The following COL6A5 variants were observed in gnomAD, a reference collection of about 807,000 sequenced individuals.
The protein encoded by COL6A5 is collagen type VI alpha 5 chain.
Under a neutral mutation model 65.6 loss-of-function variants are expected in COL6A5, and 48 were observed. The ratio of observed to expected loss-of-function variants is 0.73; its 90% CI spans 0.58 to 0.93. The LOEUF (loss-of-function observed/expected upper bound fraction) is 0.93. COL6A5 is among the 40% of genes least tolerant of loss of function. The pLI, the probability that COL6A5 is intolerant of heterozygous loss-of-function variation, is 0.00. For synonymous variants in COL6A5, 291 were observed against 322.8 expected, an observed-to-expected ratio of 0.90 and a Z score of 1.05; for missense variants, 914 against 928.3, an observed-to-expected ratio of 0.98 and a Z score of 0.20.
At chr3:130,377,774 T>C (rs758089408) in intron 3 of COL6A5, among the ~76,000 whole-genome samples, 3 of 152,180 alleles carry the variant, frequency 2.0e-5, no homozygotes, top group Non-Finnish European at 4.4e-5. Flanking sequence ...TATCATATAA[T>C]ATGAATGAGG....
At chr3:130,379,555 G>A (rs548996198) in exon 4 of COL6A5, 1 of 1,551,412 alleles carries the variant, frequency 6.4e-7, no homozygotes, top group Non-Finnish European at 8.7e-7. Context: ...GGATGTGAAG[G>A]AAAATTGCAT....
chr3:130,355,885 T>A (rs1339964696), intron 1 of COL6A5, among the ~76,000 whole-genome samples: 1 of 151,986 alleles, frequency 6.6e-6, no homozygotes. Flanking sequence ...ACACACTATC[T>A]ACAATAGATA....
rs1935909514 is a variant in COL6A5, at chr3:130,379,467, C to T, written c.717C>T (p.Phe239=). Residue 239 remains phenylalanine, a synonymous_variant and NMD_transcript_variant, in exon 4 of 42, where the codon TTC becomes TTT. Coordinates refer to the COL6A5 transcript ENST00000312481. The stretch of plus-strand genomic sequence containing the variant: ...AAGATTCACTCGCTGACCTCGTGTT[C>T]CTGGTGGATGAGTCACTTGGGACCG... 1.9e-6 allele frequency: 3 copies of T among 1,551,226 alleles called. 1 individual carries two copies. Among genetic ancestry groups the T allele is most frequent in the African/African-American group, 2.7e-5 (2 of 73,104 alleles).
intron 3 of COL6A5, 30 bp downstream of exon 3, chr3:130,376,866 T>C (rs1488150237): frequency 6.4e-7 from 1 of 1,572,100 alleles, no homozygotes; most frequent in Non-Finnish European, 8.6e-7. Flanking sequence ...AAGAGGTGCC[T>C]GATCCCCAGG....
intron 21 of COL6A5, 21 bp downstream of exon 21, chr3:130,413,601 G>T: frequency 1.3e-6 from 2 of 1,546,100 alleles, no homozygotes; most frequent in Non-Finnish European, 1.8e-6. Flanking sequence ...TTGACTTCCT[G>T]TTCTCTGTGG....
intron 13 of COL6A5, 80 bp from the exon 14 acceptor site, chr3:130,405,508 C>A: frequency 9.9e-7 from 1 of 1,007,212 alleles, no homozygotes; most frequent in Non-Finnish European, 1.5e-6. Flanking sequence ...TGTGCTTTGT[C>A]TTAACTCTGT....
intron 1 of COL6A5, among the ~76,000 whole-genome samples, chr3:130,371,731 A>G (rs1222481730): frequency 6.6e-6 from 1 of 152,212 alleles, no homozygotes; most frequent in Non-Finnish European, 1.5e-5. Context: ...CTTAGAAGAA[A>G]ACATACAAGT....
rs1709753798 is a variant in COL6A5 at position 130,463,846 on chromosome 3, A to G, written c.1545-4949A>G. On this transcript the variant is annotated intron_variant, in intron 5 of 7. Transcript: ENST00000512836. ...GTAGAATAATCACACCTTTGACTAA[A>G]TTTTAGAGTTTTCAAGGTACATCAT... Among the ~76,000 whole-genome samples the G allele has an allele frequency of 2.0e-5, 3 of 152,054 alleles. No homozygotes were observed. In the South Asian group the frequency reaches 6.2e-4, roughly 32 times the overall value.
At chr3:130,468,834 C>T in exon 6 of COL6A5, 23 of 1,610,836 alleles carry the variant, frequency 1.4e-5, no homozygotes, top group Non-Finnish European at 1.9e-5. Flanking sequence ...CCAGATCATA[C>T]TTATGAACCT....
At chr3:130,376,453 A>G in exon 3 of COL6A5, 1 of 1,612,420 alleles carries the variant, frequency 6.2e-7, no homozygotes, top group South Asian at 1.1e-5. Flanking sequence ...CCCATGCTGA[A>G]CCACCTCAAG....
Position 130,395,600 on chromosome 3 carries a change from A to G in COL6A5, c.3568+135A>G, listed in dbSNP as rs960379603. On this transcript the variant is annotated intron_variant and NMD_transcript_variant, in intron 8 of 41. Coordinates refer to the COL6A5 transcript ENST00000312481. Reference sequence around the variant, plus strand: ...AGTGAGAATATCTCACTTGTTGTGCAATGAGAAGAGACTTCTCTGCTTCCA... The same window carrying G: ...AGTGAGAATATCTCACTTGTTGTGCGATGAGAAGAGACTTCTCTGCTTCCA... 9.3e-6 allele frequency: 7 copies of G among 752,334 alleles called. No individual in the cohort carries two copies. The African/African-American group carries it at 1.1e-4, about 12-fold the overall frequency. 46.6% of individuals were successfully genotyped at this position (752,334 alleles called of 1,614,324 possible).
At chr3:130,400,460 A>G (rs1273861411) in intron 10 of COL6A5, among the ~76,000 whole-genome samples, 2 of 152,262 alleles carry the variant, frequency 1.3e-5, no homozygotes, top group African/African-American at 4.8e-5. Context: ...AAAGATGAAT[A>G]AAGTCAATGA....
exon 5 of COL6A5, chr3:130,455,557 T>C (rs1298612061): frequency 6.2e-7 from 1 of 1,612,824 alleles, no homozygotes; most frequent in Admixed American, 1.7e-5. Context: ...CGGAAGACAA[T>C]GGAAGTGACT....
At chr3:130,414,820 A>G (rs920286894) in intron 22 of COL6A5, among the ~76,000 whole-genome samples, 2 of 151,968 alleles carry the variant, frequency 1.3e-5, no homozygotes, top group African/African-American at 4.8e-5. Context: ...TCTTCCCAGG[A>G]ATTCATTATT....
intron 4 of COL6A5, among the ~76,000 whole-genome samples, chr3:130,449,599 A>C (rs1364284739): frequency 6.6e-6 from 1 of 152,136 alleles, no homozygotes; most frequent in Non-Finnish European, 1.5e-5. Flanking sequence ...AAATAACAGA[A>C]ACATCAGCAC....
rs1937137542 is a variant in COL6A5 at position 130,410,462 on chromosome 3, T to C, written c.4609-9T>C. Reference sequence around the variant, plus strand: ...CCTTTTGATCTTGAGGAAATTATTATATTTTTAGGGTAGAAGTGGACAGAA... The same window carrying C: ...CCTTTTGATCTTGAGGAAATTATTACATTTTTAGGGTAGAAGTGGACAGAA... On this transcript the variant is annotated splice_polypyrimidine_tract_variant and intron_variant and NMD_transcript_variant, in intron 19 of 41. Transcript: ENST00000312481. The C allele has an allele frequency of 1.9e-6, 3 of 1,547,920 alleles. No homozygotes were observed. Among genetic ancestry groups the C allele is most frequent in the South Asian group, 1.2e-5 (1 of 83,668 alleles).
chr3:130,414,636 C>T (rs978237323), intron 22 of COL6A5, among the ~76,000 whole-genome samples: 1 of 152,090 alleles, frequency 6.6e-6, no homozygotes, highest in African/African-American at 2.4e-5. Context: ...CACCGGAAGT[C>T]AGAGCATCAT....
chr3:130,394,965 C>T (rs753446466), exon 8 of COL6A5: 1 of 1,551,514 alleles, frequency 6.4e-7, no homozygotes, highest in East Asian at 2.4e-5. Flanking sequence ...GATTTTGTAA[C>T]CATGACAACT....
chr3:130,429,256 A>G, upstream of COL6A5, among the ~76,000 whole-genome samples: 1 of 152,226 alleles, frequency 6.6e-6, no homozygotes, highest in East Asian at 1.9e-4. Flanking sequence ...AATTTCAGCT[A>G]TCTTGCTGTT....
Sources: gnomAD v4.1 joint callset for allele counts (sites outside exome capture counted in the v4.1 genomes callset) on GRCh38, gnomAD v4.1.1 for gene constraint, MANE v1.5 for transcripts, NCBI Gene and HGNC (gene_info 2026-07-23, HGNC 2026-07-21) for gene names.